ABCA13: variants seen among roughly 807,000 people sequenced by gnomAD.
ABCA13 encodes the protein ATP binding cassette subfamily A member 13, also known as ATP-binding cassette sub-family A member 13.
Under a neutral mutation model 478.7 loss-of-function variants are expected in ABCA13, and 476 were observed. That is an observed-to-expected ratio of 0.99 (90% CI 0.92 to 1.07). The LOEUF is 1.07. Among genes scored for constraint, ABCA13 ranks in the 50% least tolerant of loss-of-function variants. The probability of loss-of-function intolerance (pLI) is 0.00; values close to 1 mark genes in which losing one functional copy is unlikely to be tolerated. For missense variants in ABCA13, 6,060 were observed against 5,910.6 expected, an observed-to-expected ratio of 1.03 and a Z score of -0.83; for synonymous variants, 2,252 against 2,158.9, an observed-to-expected ratio of 1.04 and a Z score of -1.20.
intron 39 of ABCA13, among the ~76,000 whole-genome samples, chr7:48,405,620 C>A (rs1305679957): frequency 6.6e-6 from 1 of 152,198 alleles, no homozygotes; most frequent in Non-Finnish European, 1.5e-5. Flanking sequence ...ATTGTCTCTG[C>A]ACCTGTGAAT....
chr7:48,464,733 A>G (rs1826677517), intron 43 of ABCA13, among the ~76,000 whole-genome samples: 1 of 144,876 alleles, frequency 6.9e-6, no homozygotes, highest in Admixed American at 7.0e-5. Flanking sequence ...ACATATCACA[A>G]CTTGGTTCGA....
chr7:48,410,986 TC>T (rs1818962209), intron 40 of ABCA13, among the ~76,000 whole-genome samples: 6 of 62,086 alleles, frequency 9.7e-5, no homozygotes, highest in Non-Finnish European at 2.0e-4. Context: ...TCTCTTTCTT[TC>T]TTTCTTTCTT....
At chr7:48,217,657 G>A (rs760478821) in intron 3 of ABCA13, among the ~76,000 whole-genome samples, 1 of 152,200 alleles carries the variant, frequency 6.6e-6, no homozygotes, top group Non-Finnish European at 1.5e-5. Flanking sequence ...CCTGAATAAT[G>A]ATTTCCAAGG....
At chr7:48,179,815 A>T (rs899164658) in intron 1 of ABCA13, among the ~76,000 whole-genome samples, 1 of 152,186 alleles carries the variant, frequency 6.6e-6, no homozygotes, top group African/African-American at 2.4e-5. Flanking sequence ...TCATTTTGTC[A>T]CATCAGCGGA....
chr7:48,350,099 A>G (rs1188432662), intron 29 of ABCA13, among the ~76,000 whole-genome samples: 2 of 152,208 alleles, frequency 1.3e-5, no homozygotes, highest in East Asian at 1.9e-4. Context: ...CTGCTGCTCT[A>G]TTTATGTTTC....
chr7:48,375,451 G>T (rs1428031396), intron 34 of ABCA13, among the ~76,000 whole-genome samples: 2 of 152,110 alleles, frequency 1.3e-5, no homozygotes, highest in Non-Finnish European at 2.9e-5. Flanking sequence ...CCAGAAATAG[G>T]TCTAATAAGC....
chr7:48,554,785 TCTTC>T (rs1785628030), intron 55 of ABCA13, among the ~76,000 whole-genome samples: 1 of 150,628 alleles, frequency 6.6e-6, no homozygotes, highest in Non-Finnish European at 1.5e-5. Flanking sequence ...TAATTTGAGT[TCTTC>T]CTTTCTAGTG....
intron 5 of ABCA13, 97 bp from the exon 6 acceptor site, chr7:48,227,165 G>T: frequency 8.4e-7 from 1 of 1,192,824 alleles, no homozygotes; most frequent in Non-Finnish European, 1.2e-6. Flanking sequence ...CTAGGAGAAT[G>T]TCTACAATTT....
intron 25 of ABCA13, among the ~76,000 whole-genome samples, chr7:48,313,688 TG>T (rs1420489676): frequency 6.6e-6 from 1 of 152,230 alleles, no homozygotes; most frequent in Non-Finnish European, 1.5e-5. Flanking sequence ...TGTTAGGTTT[TG>T]TTTGAACTCT....
chr7:48,436,826 TG>T (rs1220061414), intron 42 of ABCA13, among the ~76,000 whole-genome samples: 2 of 136,082 alleles, frequency 1.5e-5, no homozygotes, highest in African/African-American at 5.4e-5. Flanking sequence ...TGAATTTTTC[TG>T]TTTTTTTTTT....
intron 59 of ABCA13, among the ~76,000 whole-genome samples, chr7:48,641,961 A>G (rs923458384): frequency 1.3e-5 from 2 of 152,200 alleles, no homozygotes; most frequent in Admixed American, 6.5e-5. Context: ...TACCAACCCA[A>G]TGTGTTGGCC....
At chr7:48,383,399 G>A (rs899829114) in intron 35 of ABCA13, among the ~76,000 whole-genome samples, 17 of 152,166 alleles carry the variant, frequency 1.1e-4, no homozygotes, top group African/African-American at 4.8e-5. Context: ...ACACACACAC[G>A]TATGGTGATC....
chr7:48,403,061 T>C (rs1338450956), intron 38 of ABCA13, among the ~76,000 whole-genome samples: 1 of 152,204 alleles, frequency 6.6e-6, no homozygotes, highest in African/African-American at 2.4e-5. Context: ...AAGTTTCACA[T>C]GGGGAAGGCT....
At chr7:48,468,084 C>G (rs1437136781) in intron 44 of ABCA13, among the ~76,000 whole-genome samples, 7 of 152,046 alleles carry the variant, frequency 4.6e-5, no homozygotes, top group Non-Finnish European at 8.8e-5. Flanking sequence ...TGGGGTCCAG[C>G]CCTGGTCCAA....
At chr7:48,327,373 C>T (rs1322159008) in intron 27 of ABCA13, among the ~76,000 whole-genome samples, 1 of 152,134 alleles carries the variant, frequency 6.6e-6, no homozygotes, top group African/African-American at 2.4e-5. Context: ...AATTACCTCC[C>T]ACCATGTTCC....
In ABCA13 at chr7:48,281,344, G is replaced by T; in HGVS notation, c.8728G>T (p.Val2910Phe). ...WQQIPLTDQS[V>F]VEICEVFQQT... is the part of the protein sequence containing the mutation. ...CATTGTATATATTTTTTTGCTAAGTGTTGTTGAGATTTGTGAAGTTTTCCA... is the reference window on the plus strand; with the variant it reads ...CATTGTATATATTTTTTTGCTAAGTTTTGTTGAGATTTGTGAAGTTTTCCA... Residue 2910 changes from valine to phenylalanine, a missense_variant and splice_region_variant, in exon 19 of 62, where the codon GTT becomes TTT. Val to Phe is a conservative substitution (Grantham distance 50, BLOSUM62 -1). Transcript: ENST00000435803. 1 of 1,597,488 alleles carries T rather than the reference G, an allele frequency of 6.3e-7. No individual in the cohort carries two copies. The highest frequency in any genetic ancestry group is 1.1e-5 in the South Asian group (1 of 88,000).
chr7:48,588,408 C>T (rs1406497153), intron 57 of ABCA13, among the ~76,000 whole-genome samples: 2 of 152,220 alleles, frequency 1.3e-5, no homozygotes, highest in Non-Finnish European at 2.9e-5. Context: ...TACAATGCAT[C>T]TCCTTAGTTG....
At chr7:48,352,033 C>A in intron 30 of ABCA13, 148 bp from the exon 31 acceptor site, 1 of 692,590 alleles carries the variant, frequency 1.4e-6, no homozygotes, top group Non-Finnish European at 2.3e-6. Context: ...GTCAGCTTTG[C>A]CACTGCGGGC....
intron 3 of ABCA13, among the ~76,000 whole-genome samples, 162 bp downstream of exon 3, chr7:48,198,522 C>T (rs1248683577): frequency 6.6e-6 from 1 of 152,204 alleles, no homozygotes; most frequent in Non-Finnish European, 1.5e-5. Flanking sequence ...ATTCTGCCTC[C>T]AACTAATGGT....
Sources: gnomAD v4.1 joint callset for allele counts (sites outside exome capture counted in the v4.1 genomes callset) on GRCh38, gnomAD v4.1.1 for gene constraint, MANE v1.5 for transcripts, NCBI Gene and HGNC (gene_info 2026-07-23, HGNC 2026-07-21) for gene names.